Variants in EYA1 observed in about 807,000 individuals in gnomAD.
EYA1 encodes the protein protein phosphatase EYA1.
A neutral mutation model predicts 82.0 loss-of-function variants in EYA1; 16 were observed. The ratio of observed to expected loss-of-function variants is 0.20; its 90% CI spans 0.13 to 0.30. The LOEUF is 0.30. EYA1 is among the 10% of genes least tolerant of loss of function. EYA1 has a pLI of 1.00. For synonymous variants in EYA1, 261 were observed against 264.4 expected, an observed-to-expected ratio of 0.99 and a Z score of 0.12; for missense variants, 633 against 730.7, an observed-to-expected ratio of 0.87 and a Z score of 1.54.
chr8:71,494,360 T>C (rs1205104422), intron 2 of EYA1, among the ~76,000 whole-genome samples: 1 of 152,204 alleles, frequency 6.6e-6, no homozygotes, highest in Non-Finnish European at 1.5e-5. Flanking sequence ...TTTTTTAGTT[T>C]ATACGTTTCC....
At chr8:71,344,755 T>A (rs1825524957) in intron 3 of EYA1, among the ~76,000 whole-genome samples, 1 of 152,188 alleles carries the variant, frequency 6.6e-6, no homozygotes, top group Non-Finnish European at 1.5e-5. Flanking sequence ...ATGTTGCAAA[T>A]TAGCGGGTGG....
rs142091455 is a variant in EYA1, at chr8:71,232,461, C to T, written c.1140+12142G>A. The stretch of plus-strand genomic sequence containing the variant: ...ACATTTATCAGCACAACCAAGGAAA[C>T]GTGTCTTTTTACACGAAGCCAGCAT... On this transcript the variant is annotated intron_variant, in intron 12 of 17. Coordinates refer to ENST00000340726, the MANE Select transcript of EYA1 (RefSeq NM_000503.6). 2.4e-4 allele frequency among the ~76,000 whole-genome samples: 37 copies of T among 152,308 alleles called. No homozygotes were observed. The East Asian group carries it at 6.8e-3, about 28-fold the overall frequency.
chr8:71,529,687 T>A (rs1814106291), intron 2 of EYA1: 2 of 151,540 alleles, frequency 1.3e-5, no homozygotes, highest in African/African-American at 4.9e-5. Flanking sequence ...CGGTCAGAGG[T>A]TTTCTTCCTA....
At chr8:71,211,077 T>C in intron 17 of EYA1, 79 bp downstream of exon 17, 1 of 884,726 alleles carries the variant, frequency 1.1e-6, no homozygotes, top group Non-Finnish European at 1.9e-6. Context: ...AAATGGAACC[T>C]GTTTAAATGA....
rs186729174 is a variant in EYA1 at position 71,280,955 on chromosome 8, G to A, written c.827-9058C>T. Among the ~76,000 whole-genome samples the A allele has an allele frequency of 1.0e-3, 156 of 152,122 alleles. 1 individual carries two copies. The highest frequency in any genetic ancestry group is 1.8e-3 in the Non-Finnish European group (120 of 67,992). Reference sequence around the variant, plus strand: ...GTAATTTTTATACAGATGTGGTTCCGCCACGTTGCCAGGCTAGTCTCAAAC... The same window carrying A: ...GTAATTTTTATACAGATGTGGTTCCACCACGTTGCCAGGCTAGTCTCAAAC... On this transcript the variant is annotated intron_variant, in intron 9 of 17. Transcript: ENST00000340726.
chr8:71,266,266 C>T (rs1815797005), intron 11 of EYA1, among the ~76,000 whole-genome samples: 2 of 152,190 alleles, frequency 1.3e-5, no homozygotes, highest in Admixed American at 6.5e-5. Context: ...ATCTGTGCTC[C>T]TAAAAAGAAG....
intron 11 of EYA1, among the ~76,000 whole-genome samples, chr8:71,249,869 C>A (rs1813535374): frequency 1.3e-5 from 2 of 152,150 alleles, no homozygotes; most frequent in Non-Finnish European, 2.9e-5. Flanking sequence ...TTCGTCTGGA[C>A]ACCTACTGTA....
intron 2 of EYA1, among the ~76,000 whole-genome samples, chr8:71,498,581 A>G (rs1427948896): frequency 6.6e-6 from 1 of 152,092 alleles, no homozygotes; most frequent in East Asian, 1.9e-4. Flanking sequence ...TTCCATCTAC[A>G]AGACCACATG....
At chr8:71,372,478 T>C (rs941048101) in intron 2 of EYA1, among the ~76,000 whole-genome samples, 1 of 152,128 alleles carries the variant, frequency 6.6e-6, no homozygotes. Flanking sequence ...GTGTGTTCCA[T>C]TAAATTTAGG....
chr8:71,255,251 T>A (rs1289463628), intron 11 of EYA1, among the ~76,000 whole-genome samples: 1 of 152,158 alleles, frequency 6.6e-6, no homozygotes, highest in African/African-American at 2.4e-5. Flanking sequence ...AAACTCCATT[T>A]TGAAGTTTAT....
At chr8:71,509,001 T>C (rs896267693) in intron 2 of EYA1, among the ~76,000 whole-genome samples, 4 of 152,084 alleles carry the variant, frequency 2.6e-5, no homozygotes, top group African/African-American at 9.7e-5. Context: ...GAGAGCAGAC[T>C]GCTTGAGCCC....
chr8:71,459,496 C>T (rs2129187956), intron 2 of EYA1, among the ~76,000 whole-genome samples: 1 of 152,268 alleles, frequency 6.6e-6, no homozygotes, highest in African/African-American at 2.4e-5. Context: ...CATGAAAGTG[C>T]CTTGCTTCTC....
intron 7 of EYA1, among the ~76,000 whole-genome samples, chr8:71,316,842 A>T (rs528616281): frequency 6.6e-6 from 1 of 152,222 alleles, no homozygotes; most frequent in African/African-American, 2.4e-5. Context: ...AACTATTCTC[A>T]AGCACTTTAA....
At chr8:71,399,948 G>A (rs112742517) in intron 2 of EYA1, among the ~76,000 whole-genome samples, 6 of 152,220 alleles carry the variant, frequency 3.9e-5, no homozygotes, top group African/African-American at 1.2e-4. Flanking sequence ...TATAAAAATC[G>A]ACACATGGAC....
At position 71,271,901 on chromosome 8, in the gene EYA1, C is replaced by G; in HGVS notation, c.827-4G>C. On this transcript the variant is annotated splice_polypyrimidine_tract_variant and splice_region_variant and intron_variant, in intron 9 of 17. Coordinates refer to ENST00000340726, the MANE Select transcript of EYA1 (RefSeq NM_000503.6). Reference sequence around the variant, plus strand: ...GGGCTGTGGATTGTGCTGTACTCTGCAGGAATATAGGAAGGACTTTCATCT... The same window carrying G: ...GGGCTGTGGATTGTGCTGTACTCTGGAGGAATATAGGAAGGACTTTCATCT... 1 of 1,614,144 alleles carries G rather than the reference C, an allele frequency of 6.2e-7. No individual in the cohort carries two copies. The highest frequency in any genetic ancestry group is 8.5e-7 in the Non-Finnish European group (1 of 1,180,024).
chr8:71,318,003 T>G (rs767891591), intron 6 of EYA1, among the ~76,000 whole-genome samples: 1 of 152,242 alleles, frequency 6.6e-6, no homozygotes, highest in Non-Finnish European at 1.5e-5. Flanking sequence ...ATGTAAGAGT[T>G]GAAGATCATC....
intron 9 of EYA1, among the ~76,000 whole-genome samples, chr8:71,276,514 C>T (rs1817192989): frequency 6.6e-6 from 1 of 152,160 alleles, no homozygotes; most frequent in African/African-American, 2.4e-5. Context: ...ATTAATGGTA[C>T]CAGTAACTAT....
chr8:71,541,041 C>A (rs1381290127), intron 1 of EYA1, among the ~76,000 whole-genome samples: 4 of 152,178 alleles, frequency 2.6e-5, no homozygotes, highest in Admixed American at 2.6e-4. Flanking sequence ...CTTCATGGCT[C>A]CAGAAGCCAC....
chr8:71,269,631 A>C, intron 11 of EYA1, 109 bp downstream of exon 11: 1 of 750,228 alleles, frequency 1.3e-6, no homozygotes, highest in South Asian at 1.8e-5. Flanking sequence ...GTTCTTCTCC[A>C]TTTATATTTT....
Sources: allele counts gnomAD v4.1 joint callset (sites outside exome capture counted in the v4.1 genomes callset), GRCh38; gene constraint gnomAD v4.1.1; transcripts MANE v1.5; gene names NCBI Gene and HGNC (gene_info 2026-07-23, HGNC 2026-07-21).